Variants in TRIM5 observed in about 807,000 individuals in gnomAD.
The protein encoded by TRIM5 is tripartite motif-containing protein 5.
A neutral mutation model predicts 35.6 loss-of-function variants in TRIM5; 31 were observed. The observed-to-expected ratio is 0.87, with a 90% CI of 0.65 to 1.18. The LOEUF (loss-of-function observed/expected upper bound fraction) is 1.18. TRIM5 is among the 50% of genes most tolerant of loss of function. The pLI is 0.00. For missense variants in TRIM5, 609 were observed against 591.6 expected, an observed-to-expected ratio of 1.03 and a Z score of -0.31; for synonymous variants, 243 against 215.6, an observed-to-expected ratio of 1.13 and a Z score of -1.11.
At chr11:5,648,398 C>T in the TRIM5 span, among the ~76,000 whole-genome samples, 1 of 152,024 alleles carries the variant, frequency 6.6e-6, no homozygotes, top group African/African-American at 2.4e-5. Context: ...CCCAGCTACT[C>T]AGTTGGCTGA....
At chr11:5,632,252 C>T in the TRIM5 span, 1 of 1,591,264 alleles carries the variant, frequency 6.3e-7, no homozygotes, top group Non-Finnish European at 8.5e-7. Flanking sequence ...TCAATCTTCT[C>T]AGCCATCCAG....
the TRIM5 span, among the ~76,000 whole-genome samples, chr11:5,621,939 T>A: frequency 6.6e-6 from 1 of 152,168 alleles, no homozygotes; most frequent in East Asian, 1.9e-4. Flanking sequence ...CAAGTTGTGC[T>A]CTGATCACCT....
At chr11:5,596,764 G>C in the TRIM5 span, 5 of 1,389,112 alleles carry the variant, frequency 3.6e-6, 1 homozygote, top group South Asian at 4.7e-5. Context: ...GTCGTGCGTG[G>C]TTGAGTTTAG....
the TRIM5 span, chr11:5,604,909 C>A: frequency 2.2e-6 from 1 of 445,830 alleles, no homozygotes; most frequent in Non-Finnish European, 4.0e-6. Context: ...CAGTTTCAGT[C>A]TCTTTGGCTT....
intron 4 of TRIM5, among the ~76,000 whole-genome samples, chr11:5,671,000 T>C (rs1235479055): frequency 6.6e-6 from 1 of 152,116 alleles, no homozygotes; most frequent in East Asian, 1.9e-4. Context: ...TCCCAGGACT[T>C]TGGGAGGCTG....
chr11:5,619,539 C>G, the TRIM5 span, among the ~76,000 whole-genome samples: 3 of 143,284 alleles, frequency 2.1e-5, no homozygotes, highest in Admixed American at 7.3e-5. Context: ...GAGGTAAATT[C>G]CAAGCAAGTG....
the TRIM5 span, among the ~76,000 whole-genome samples, chr11:5,655,471 A>G: frequency 2.0e-5 from 3 of 152,212 alleles, no homozygotes; most frequent in Admixed American, 6.5e-5. Flanking sequence ...GTTCCTCCAA[A>G]TAGAAATAAG....
At chr11:5,649,698 G>A in the TRIM5 span, among the ~76,000 whole-genome samples, 7 of 152,166 alleles carry the variant, frequency 4.6e-5, no homozygotes, top group Non-Finnish European at 8.8e-5. Flanking sequence ...AGGCAGCAGA[G>A]CGTAATGTTG....
chr11:5,642,720 GTA>G, the TRIM5 span: 2 of 1,532,698 alleles, frequency 1.3e-6, no homozygotes, highest in Non-Finnish European at 1.8e-6. Context: ...CAGCTTCATG[GTA>G]TTCCCTTCCC....
At chr11:5,628,915 C>G in the TRIM5 span, among the ~76,000 whole-genome samples, 1 of 151,826 alleles carries the variant, frequency 6.6e-6, no homozygotes, top group Admixed American at 6.6e-5. Context: ...CTGTGCTATT[C>G]CCATCTCTGC....
the TRIM5 span, among the ~76,000 whole-genome samples, chr11:5,592,925 AAAAAAG>A: frequency 2.0e-4 from 28 of 141,128 alleles, no homozygotes; most frequent in Non-Finnish European, 2.7e-4. Context: ...AAAAAAAAAA[AAAAAAG>A]AAAAAAGAAA....
the TRIM5 span, chr11:5,589,386 T>C: frequency 5.3e-5 from 8 of 152,106 alleles, no homozygotes; most frequent in Non-Finnish European, 1.2e-4. Context: ...CCCATAGAAA[T>C]GCAAATTAAT....
At chr11:5,633,744 C>A in the TRIM5 span, 1 of 1,516,252 alleles carries the variant, frequency 6.6e-7, no homozygotes, top group South Asian at 1.3e-5. Context: ...CCCTGTTTGT[C>A]CTCTATCCAG....
At chr11:5,629,808 C>T in the TRIM5 span, among the ~76,000 whole-genome samples, 3 of 152,166 alleles carry the variant, frequency 2.0e-5, no homozygotes, top group Admixed American at 2.0e-4. Context: ...CCCGGGTTCA[C>T]GCCATTCTCC....
At chr11:5,605,490 C>T in the TRIM5 span, 2 of 1,614,172 alleles carry the variant, frequency 1.2e-6, no homozygotes, top group East Asian at 2.2e-5. Context: ...TGATCTGGTC[C>T]ACCAGACCCA....
the TRIM5 span, among the ~76,000 whole-genome samples, chr11:5,624,473 C>T: frequency 1.3e-5 from 2 of 152,136 alleles, no homozygotes; most frequent in East Asian, 1.9e-4. Flanking sequence ...ACAAGTGGAT[C>T]GTTGGAGCTG....
the TRIM5 span, chr11:5,596,775 A>C: frequency 6.7e-7 from 1 of 1,494,820 alleles, no homozygotes; most frequent in Non-Finnish European, 9.3e-7. Context: ...TTGAGTTTAG[A>C]TAAAAGCCGA....
At chr11:5,610,937 G>T in the TRIM5 span, 1 of 1,614,188 alleles carries the variant, frequency 6.2e-7, no homozygotes, top group Non-Finnish European at 8.5e-7. Flanking sequence ...CCTCTGGTAA[G>T]CATTACTGGG....
At chr11:5,641,767 G>C in the TRIM5 span, among the ~76,000 whole-genome samples, 1 of 152,272 alleles carries the variant, frequency 6.6e-6, no homozygotes, top group Admixed American at 6.5e-5. Flanking sequence ...CTTGTTCCTT[G>C]TGTCTACCAT....
Sources: gnomAD v4.1 joint callset for allele counts (sites outside exome capture counted in the v4.1 genomes callset) on GRCh38, gnomAD v4.1.1 for gene constraint, MANE v1.5 for transcripts, NCBI Gene and HGNC (gene_info 2026-07-23, HGNC 2026-07-21) for gene names.